The following TAFA4 variants were observed in gnomAD, a reference collection of about 807,000 sequenced individuals.
TAFA4 encodes the protein TAFA chemokine like family member 4.
In TAFA4, 20 loss-of-function variants were observed where a neutral mutation model predicts 21.1. The observed-to-expected ratio is 0.95, with a 90% CI of 0.67 to 1.38. TAFA4 has a LOEUF of 1.38. Ranked by LOEUF, TAFA4 falls within the 40% of genes most tolerant of loss-of-function variation. TAFA4 has a pLI of 0.00. For synonymous variants in TAFA4, 71 were observed against 67.4 expected (o/e 1.05, Z -0.26); for missense variants, 211 against 180.9 (o/e 1.17, Z -0.95).
At chr3:68,789,702 T>C (rs1401032903) in intron 3 of TAFA4, among the ~76,000 whole-genome samples, 3 of 151,396 alleles carry the variant, frequency 2.0e-5, no homozygotes, top group Non-Finnish European at 3.0e-5. Context: ...AAAAATTTTC[T>C]GATTCGTTCA....
At chr3:68,891,247 C>G (rs773200898) in intron 1 of TAFA4, among the ~76,000 whole-genome samples, 7 of 152,272 alleles carry the variant, frequency 4.6e-5, no homozygotes, top group Non-Finnish European at 5.9e-5. Context: ...TGCATCCACT[C>G]AAACTCATCT....
chr3:68,804,396 T>C (rs1156736845), intron 3 of TAFA4, among the ~76,000 whole-genome samples: 3 of 152,136 alleles, frequency 2.0e-5, no homozygotes, highest in Admixed American at 1.3e-4. Flanking sequence ...ATAGATTCAA[T>C]GCCATCCCCA....
In TAFA4 at chr3:68,768,253, A is replaced by T. The variant is rs1030997433; in HGVS notation, c.131-15235T>A. 2.5e-4 allele frequency among the ~76,000 whole-genome samples: 38 copies of T among 152,186 alleles called. 1 individual carries two copies. The highest frequency in any genetic ancestry group is 9.2e-4 in the African/African-American group (38 of 41,452). On this transcript the variant is annotated intron_variant, in intron 3 of 5. Coordinates refer to ENST00000295569, the MANE Select transcript of TAFA4 (RefSeq NM_182522.5). ...CCAGAATATATAAGAAACTCAACTCAATAGTAAAAAAGGCAAATAATCCAT... is the reference window on the plus strand; with the variant it reads ...CCAGAATATATAAGAAACTCAACTCTATAGTAAAAAAGGCAAATAATCCAT...
At chr3:68,913,198 C>T (rs1006497915) in intron 1 of TAFA4, among the ~76,000 whole-genome samples, 3 of 152,228 alleles carry the variant, frequency 2.0e-5, no homozygotes. Flanking sequence ...TGTCAAAACA[C>T]TGTGCTGTGT....
At chr3:68,790,566 G>A (rs959119677) in intron 3 of TAFA4, among the ~76,000 whole-genome samples, 2 of 152,194 alleles carry the variant, frequency 1.3e-5, no homozygotes, top group Non-Finnish European at 2.9e-5. Context: ...ATACTCAAAT[G>A]AGTCATGTTA....
intron 4 of TAFA4, among the ~76,000 whole-genome samples, chr3:68,750,353 T>C (rs1702537566): frequency 6.6e-6 from 1 of 152,216 alleles, no homozygotes; most frequent in Admixed American, 6.5e-5. Context: ...ATACATGGAA[T>C]GCTATGGAGC....
At chr3:68,913,360 TCTAAA>T (rs1345174771) in intron 1 of TAFA4, among the ~76,000 whole-genome samples, 3 of 152,154 alleles carry the variant, frequency 2.0e-5, no homozygotes, top group Non-Finnish European at 4.4e-5. Context: ...GAGCCAGTTT[TCTAAA>T]GGCCACCCAG....
chr3:68,930,114 C>T (rs973922915), intron 1 of TAFA4, among the ~76,000 whole-genome samples: 31 of 152,112 alleles, frequency 2.0e-4, no homozygotes, highest in Non-Finnish European at 1.0e-4. Context: ...GAGGTGGTAG[C>T]GGGGAGCAAA....
Position 68,847,717 on chromosome 3 carries a change from G to A in TAFA4, c.130+33013C>T, listed in dbSNP as rs915019284. ...ATCTGGGCCAGAGTGCACTGTCCAA[G>A]AGGAACTTTTTTTAAAGGCCACCAG... On this transcript the variant is annotated intron_variant, in intron 3 of 5. Transcript: ENST00000295569. Among the ~76,000 whole-genome samples, 6 of 152,198 alleles carry A rather than the reference G, an allele frequency of 3.9e-5. No homozygotes were observed. In the South Asian group the frequency reaches 1.2e-3, roughly 32 times the overall value.
intron 3 of TAFA4, among the ~76,000 whole-genome samples, chr3:68,785,163 C>G (rs971831885): frequency 2.0e-5 from 3 of 152,228 alleles, no homozygotes; most frequent in Admixed American, 6.5e-5. Flanking sequence ...GAGCTAGATA[C>G]AGAGTGCCGA....
chr3:68,874,184 C>T (rs1490700202), intron 3 of TAFA4, among the ~76,000 whole-genome samples: 1 of 152,104 alleles, frequency 6.6e-6, no homozygotes, highest in African/African-American at 2.4e-5. Flanking sequence ...TTCAGACATA[C>T]CCTAAAATAT....
At chr3:68,771,751 T>G (rs1702962559) in intron 3 of TAFA4, among the ~76,000 whole-genome samples, 1 of 152,180 alleles carries the variant, frequency 6.6e-6, no homozygotes, top group African/African-American at 2.4e-5. Flanking sequence ...ACAACGCCTT[T>G]CTAGAATATT....
At chr3:68,929,955 T>C (rs1256310854) in intron 1 of TAFA4, among the ~76,000 whole-genome samples, 1 of 152,292 alleles carries the variant, frequency 6.6e-6, no homozygotes, top group African/African-American at 2.4e-5. Context: ...TGATGTCATA[T>C]CCAATGGTTA....
At chr3:68,910,860 T>A (rs2089954867) in intron 1 of TAFA4, among the ~76,000 whole-genome samples, 1 of 152,232 alleles carries the variant, frequency 6.6e-6, no homozygotes. Context: ...ACCTCATAGG[T>A]TTGTTCTAAT....
chr3:68,780,061 G>C (rs1401432177), intron 3 of TAFA4, among the ~76,000 whole-genome samples: 1 of 152,178 alleles, frequency 6.6e-6, no homozygotes, highest in Non-Finnish European at 1.5e-5. Context: ...TATCATTTTG[G>C]AGCTTTAAGA....
At chr3:68,766,744 G>C (rs1436378499) in intron 3 of TAFA4, among the ~76,000 whole-genome samples, 2 of 152,116 alleles carry the variant, frequency 1.3e-5, no homozygotes, top group Non-Finnish European at 2.9e-5. Context: ...CTTGAATTCA[G>C]TTAGTGCCCA....
rs1243087489 is a variant in TAFA4 at position 68,777,719 on chromosome 3, C to T, written c.131-24701G>A. Among the ~76,000 whole-genome samples the T allele has an allele frequency of 2.0e-5, 3 of 152,092 alleles. No individual in the cohort carries two copies. The East Asian group carries it at 5.8e-4, about 29-fold the overall frequency. ...AGTAATATGCAACAGTCATGTGCTA[C>T]ATAATAATGTATCTGTCGATGACAG... On this transcript the variant is annotated intron_variant, in intron 3 of 5. Coordinates refer to ENST00000295569, the MANE Select transcript of TAFA4 (RefSeq NM_182522.5).
At chr3:68,767,344 A>T (rs963943199) in intron 3 of TAFA4, among the ~76,000 whole-genome samples, 1 of 152,142 alleles carries the variant, frequency 6.6e-6, no homozygotes, top group Non-Finnish European at 1.5e-5. Flanking sequence ...TAGCCAGTAG[A>T]GAAGAGAAAG....
intron 3 of TAFA4, among the ~76,000 whole-genome samples, chr3:68,870,644 T>C (rs998394139): frequency 6.6e-6 from 1 of 152,128 alleles, no homozygotes; most frequent in African/African-American, 2.4e-5. Flanking sequence ...TAGGTATACA[T>C]GTGCCATGGT....
Sources: allele counts gnomAD v4.1 joint callset (sites outside exome capture counted in the v4.1 genomes callset), GRCh38; gene constraint gnomAD v4.1.1; transcripts MANE v1.5; gene names NCBI Gene and HGNC (gene_info 2026-07-23, HGNC 2026-07-21).